A2M: variants seen among roughly 807,000 people sequenced by gnomAD.
A2M encodes the protein alpha-2-macroglobulin, also known as C3 and PZP-like alpha-2-macroglobulin domain-containing protein 5.
In A2M, 128 loss-of-function variants were observed where a neutral mutation model predicts 183.9. That is an observed-to-expected ratio of 0.70 (90% CI 0.60 to 0.81). A2M has a LOEUF of 0.81. Ranked by LOEUF, A2M falls within the 30% of genes least tolerant of loss-of-function variation. A2M has a pLI of 0.00. For synonymous variants in A2M, 592 were observed against 670.8 expected, an observed-to-expected ratio of 0.88 and a Z score of 1.81; for missense variants, 1,495 against 1,787.6, an observed-to-expected ratio of 0.84 and a Z score of 2.95.
chr12:9,067,945 C>G (rs1948445246), intron 35 of A2M, 106 bp from the exon 36 acceptor site: 8 of 1,155,548 alleles, frequency 6.9e-6, no homozygotes, highest in Non-Finnish European at 1.0e-5. Flanking sequence ...GAAACCTAAT[C>G]AGTACAGTGG....
At chr12:9,114,418 G>T (rs185193353) in intron 1 of A2M, among the ~76,000 whole-genome samples, 18 of 151,988 alleles carry the variant, frequency 1.2e-4, no homozygotes, top group African/African-American at 4.1e-4. Flanking sequence ...TATTTTTGAT[G>T]ATATTTTAAA....
At chr12:9,112,025 G>T (rs1176941407) in intron 4 of A2M, 134 bp downstream of exon 4, 4 of 853,068 alleles carry the variant, frequency 4.7e-6, no homozygotes, top group Non-Finnish European at 8.2e-6. Context: ...TTAGGATCTT[G>T]TGCTGTTGTA....
chr12:9,076,935 T>G lies in A2M; in HGVS notation c.3353A>C (p.His1118Pro). The change falls in exon 28 of 36, where the codon CAC becomes CCC. Residue 1118 changes from histidine (H) to proline (P), a missense_variant and splice_region_variant. His to Pro is a moderately conservative substitution (Grantham distance 77). Transcript: ENST00000318602. ...AAACAGGGCATTGCGGACAACAGGG[T>G]GCTGTGAAGGCAGAACAAGAAGGGA... ...ALLEIPLTVT[H>P]PVVRNALFCL... 6.3e-7 allele frequency: 1 copy of G among 1,581,612 alleles called. No homozygotes were observed. The highest frequency in any genetic ancestry group is 1.2e-5 in the South Asian group (1 of 85,766).
At chr12:9,095,802 G>A in intron 15 of A2M, 102 bp from the exon 16 acceptor site, 1 of 1,014,262 alleles carries the variant, frequency 9.9e-7, no homozygotes, top group East Asian at 2.8e-5. Flanking sequence ...GCCCAGGCCG[G>A]ACCGCGGACT....
chr12:9,068,782 G>A lies in A2M; in HGVS notation c.4324C>T (p.Leu1442=), dbSNP rs761933862. ...TVLQDVPVRD[L]KPAIVKVYDY... is the part of the protein sequence containing the mutation. ...TAGACTTTCACTATGGCTGGTTTCA[G>A]ATCTCTTACTGGGACATCTTGCAGA... Residue 1442 remains leucine (L), a synonymous_variant, in exon 34 of 36, where the codon CTG becomes TTG. Coordinates refer to ENST00000318602, the MANE Select transcript of A2M (RefSeq NM_000014.6). The A allele has an allele frequency of 3.7e-6, 6 of 1,609,332 alleles. No homozygotes were observed. Among genetic ancestry groups the A allele is most frequent in the Non-Finnish European group, 4.2e-6 (5 of 1,177,858 alleles).
rs1420816673 is a variant in A2M, at chr12:9,090,103, A to G, written c.2597-80T>C. On this transcript the variant is annotated intron_variant, in intron 20 of 35. Coordinates refer to ENST00000318602, the MANE Select transcript of A2M (RefSeq NM_000014.6). Reference sequence around the variant, plus strand: ...CAAACTCAAGATTTAGAAATGTTCAATGCTCTGTAAACTTTTGTTTTATTA... The same window carrying G: ...CAAACTCAAGATTTAGAAATGTTCAGTGCTCTGTAAACTTTTGTTTTATTA... The G allele has an allele frequency of 1.2e-5, 19 of 1,540,436 alleles. No individual in the cohort carries two copies. In the Admixed American group the frequency reaches 3.2e-4, roughly 26 times the overall value.
intron 25 of A2M, 24 bp downstream of exon 25, chr12:9,079,220 C>T (rs1948833587): frequency 6.3e-7 from 1 of 1,598,780 alleles, no homozygotes; most frequent in Non-Finnish European, 8.6e-7. Context: ...CAAAAAGAAG[C>T]TCAAAAAATT....
In A2M at chr12:9,070,546, G is replaced by A. The variant is rs758238113; in HGVS notation, c.4136C>T (p.Ala1379Val). ...YTGSRSASNM[A>V]IVDVKMVSGF... ...AGAGACCATCTTCACATCAACGATC[G>A]CCATGTTGGAGGCAGAGCGGCTCCC... The change falls in exon 32 of 36, where the codon GCG becomes GTG. Residue 1379 changes from alanine to valine, a missense_variant. Physicochemically the swap from Ala to Val is moderately conservative, Grantham distance 64 (BLOSUM62 0). Transcript: ENST00000318602. 3.1e-5 allele frequency: 50 copies of A among 1,613,568 alleles called. No individual in the cohort carries two copies. The highest frequency in any genetic ancestry group is 1.1e-4 in the East Asian group (5 of 44,894).
At position 9,077,396 on chromosome 12, in the gene A2M, G is replaced by A; in HGVS notation, c.3301C>T (p.Leu1101Phe). The A allele has an allele frequency of 6.2e-7, 1 of 1,613,454 alleles. No homozygotes were observed. Among genetic ancestry groups the A allele is most frequent in the African/African-American group, 1.3e-5 (1 of 75,032 alleles). ...IKGGVEDEVT[L>F]SAYITIALLE... ...AGGGCGATGGTGATATAGGCGGAGA[G>A]GGTCACTTCATCTTCTACTCCTCCC... Residue 1101 changes from leucine (L) to phenylalanine (F), a missense_variant, in exon 27 of 36, where the codon CTC becomes TTC. By Grantham distance (22) the Leu-to-Phe change is conservative (BLOSUM62 0). Transcript: ENST00000318602.
chr12:9,069,427 G>A (rs753312617), intron 33 of A2M, among the ~76,000 whole-genome samples: 1 of 151,980 alleles, frequency 6.6e-6, no homozygotes, highest in African/African-American at 2.4e-5. Flanking sequence ...ACTAATAATT[G>A]ACTAATCACA....
chr12:9,069,924 A>T (rs984925644), intron 32 of A2M, 111 bp from the exon 33 acceptor site: 44 of 890,958 alleles, frequency 4.9e-5, no homozygotes, highest in Non-Finnish European at 7.5e-5. Context: ...AATTCTTCAA[A>T]TGCTTTTTGT....
At chr12:9,070,108 G>A (rs1948523098) in intron 32 of A2M, among the ~76,000 whole-genome samples, 2 of 152,142 alleles carry the variant, frequency 1.3e-5, no homozygotes, top group African/African-American at 4.8e-5. Context: ...TCTTCATAAG[G>A]AGTTTTTTTC....
chr12:9,086,259 C>T (rs1467904594), intron 22 of A2M, among the ~76,000 whole-genome samples: 1 of 152,120 alleles, frequency 6.6e-6, no homozygotes, highest in Non-Finnish European at 1.5e-5. Flanking sequence ...ACTAGCATAG[C>T]AGCTAAGCAT....
chr12:9,108,736 T>C (rs1938497054), intron 7 of A2M, among the ~76,000 whole-genome samples: 2 of 151,584 alleles, frequency 1.3e-5, no homozygotes, highest in African/African-American at 2.4e-5. Flanking sequence ...CTTTTCAAGG[T>C]TGGAACAGAC....
At chr12:9,098,577 T>C (rs1949455476) in intron 15 of A2M, 30 bp downstream of exon 15, 5 of 1,575,000 alleles carry the variant, frequency 3.2e-6, no homozygotes, top group African/African-American at 1.3e-5. Context: ...GCACGGCCCT[T>C]CTTGATTCCT....
chr12:9,093,912 CA>C (rs756695718), intron 17 of A2M, among the ~76,000 whole-genome samples: 100 of 151,158 alleles, frequency 6.6e-4, no homozygotes, highest in Middle Eastern at 3.4e-3. Context: ...AACAAACAAA[CA>C]AACAACAAAA....
At chr12:9,068,437 C>G (rs1948460519) in intron 34 of A2M, among the ~76,000 whole-genome samples, 1 of 152,074 alleles carries the variant, frequency 6.6e-6, no homozygotes, top group African/African-American at 2.4e-5. Flanking sequence ...TCCCAAACTC[C>G]TGAAGGACTC....
At chr12:9,107,444 C>T (rs1019436081) in intron 8 of A2M, 80 bp downstream of exon 8, 9 of 1,530,918 alleles carry the variant, frequency 5.9e-6, no homozygotes, top group East Asian at 4.6e-5. Flanking sequence ...TCTCTTCCTG[C>T]GTCAGAAAAA....
intron 22 of A2M, chr12:9,080,545 T>C (rs190595122): frequency 6.2e-6 from 1 of 160,046 alleles, no homozygotes; most frequent in East Asian, 1.8e-4. Context: ...TCAACAGTTG[T>C]ATGGAGAAAA....
Sources: gnomAD v4.1 joint callset for allele counts (sites outside exome capture counted in the v4.1 genomes callset) on GRCh38, gnomAD v4.1.1 for gene constraint, MANE v1.5 for transcripts, NCBI Gene and HGNC (gene_info 2026-07-23, HGNC 2026-07-21) for gene names.